The following WDR25 variants were observed in gnomAD, a reference collection of about 807,000 sequenced individuals.
The protein encoded by WDR25 is WD repeat domain 25.
A neutral mutation model predicts 47.7 loss-of-function variants in WDR25; 35 were observed. That is an observed-to-expected ratio of 0.73 (90% CI 0.56 to 0.97). WDR25 has a LOEUF of 0.97. WDR25 is among the 50% of genes least tolerant of loss of function. WDR25 has a pLI of 0.00. For synonymous variants in WDR25, 248 were observed against 278.9 expected, an observed-to-expected ratio of 0.89 and a Z score of 1.10; for missense variants, 634 against 704.7, an observed-to-expected ratio of 0.90 and a Z score of 1.14.
chr14:100,451,569 G>A (rs564394492), intron 2 of WDR25, among the ~76,000 whole-genome samples: 1 of 152,302 alleles, frequency 6.6e-6, no homozygotes, highest in South Asian at 2.1e-4. Context: ...TGTGTATTGA[G>A]GCCAGAGGCT....
chr14:100,529,971 C>T lies in WDR25; in HGVS notation c.1565C>T (p.Thr522Ile). ...CACACACAGGCCTGTGTCGGCACCA[C>T]CTATCACCCCGTGCTGCCCTCCGTC... ...QGHTQACVGT[T>I]YHPVLPSVLA... Residue 522 changes from threonine to isoleucine, a missense_variant, in exon 7 of 7, where the codon ACC becomes ATC. Coordinates refer to ENST00000402312, the MANE Select transcript of WDR25 (RefSeq NM_001161476.3). The surrounding 1 kb of genome is among the most constrained non-coding windows in gnomAD (Gnocchi z 5.1). 6.2e-7 allele frequency: 1 copy of T among 1,613,478 alleles called. No homozygotes were observed. Among genetic ancestry groups the T allele is most frequent in the East Asian group, 2.2e-5 (1 of 44,864 alleles).
chr14:100,475,109 G>A (rs1164976831), intron 3 of WDR25, among the ~76,000 whole-genome samples: 1 of 152,218 alleles, frequency 6.6e-6, no homozygotes, highest in South Asian at 2.1e-4. Flanking sequence ...AAACCTGTTG[G>A]AATGCCTATT....
chr14:100,386,662 G>A (rs929135100), intron 2 of WDR25, among the ~76,000 whole-genome samples: 1 of 152,130 alleles, frequency 6.6e-6, no homozygotes, highest in African/African-American at 2.4e-5. Flanking sequence ...GGGAGGCCGA[G>A]GCAGGCGGAT....
At chr14:100,412,405 G>A (rs1317575390) in intron 2 of WDR25, among the ~76,000 whole-genome samples, 1 of 152,052 alleles carries the variant, frequency 6.6e-6, no homozygotes, top group African/African-American at 2.4e-5. Flanking sequence ...ACCTAGAAAC[G>A]TGTCTTTAGG....
At chr14:100,458,671 A>G (rs922376537) in intron 2 of WDR25, among the ~76,000 whole-genome samples, 1 of 152,190 alleles carries the variant, frequency 6.6e-6, no homozygotes, top group Non-Finnish European at 1.5e-5. Flanking sequence ...GTCTCAGTGT[A>G]TCTAAAAAGA....
chr14:100,467,870 T>C lies in WDR25; in HGVS notation c.823-151T>C, dbSNP rs1345087785. 16 of 1,099,334 alleles carry C rather than the reference T, an allele frequency of 1.5e-5. 1 individual carries two copies. In the Admixed American group the frequency reaches 4.4e-4, roughly 30 times the overall value. 68.1% of individuals were successfully genotyped at this position (1,099,334 alleles called of 1,614,324 possible). On this transcript the variant is annotated intron_variant, in intron 2 of 6. Transcript: ENST00000402312. ...ATCCCAAGCCTTTACATTTCTGCAA[T>C]GAAAAGTTTAACATCTAGATATAGA...
chr14:100,459,930 A>ATTGT (rs1899340673), intron 2 of WDR25, among the ~76,000 whole-genome samples: 1 of 110,270 alleles, frequency 9.1e-6, no homozygotes, highest in East Asian at 2.2e-4. Context: ...ATATATATAT[A>ATTGT]TATATATATA....
In WDR25 at chr14:100,392,659, C is replaced by T. The variant is rs560848221; in HGVS notation, c.822+10913C>T. Among the ~76,000 whole-genome samples, 27 of 152,238 alleles carry T rather than the reference C, an allele frequency of 1.8e-4. No homozygotes were observed. Among genetic ancestry groups the T allele is most frequent in the East Asian group, 5.8e-4 (3 of 5,168 alleles). On this transcript the variant is annotated intron_variant, in intron 2 of 6. Transcript: ENST00000402312. The surrounding 1 kb of genome is among the most constrained non-coding windows in gnomAD (Gnocchi z 4.2). ...TTTAACATTCTCTCCCAGCCCTGCC[C>T]GCGCCACACTGTGCCACCAGCCGCC...
At chr14:100,376,883 C>T (rs1268034617) in intron 1 of WDR25, 1 of 565,872 alleles carries the variant, frequency 1.8e-6, no homozygotes, top group Non-Finnish European at 2.4e-6. Flanking sequence ...CCCCTCCCAC[C>T]CGTTTGCATT....
At chr14:100,467,992 C>A in intron 2 of WDR25, 29 bp from the exon 3 acceptor site, 1 of 1,611,306 alleles carries the variant, frequency 6.2e-7, no homozygotes, top group Non-Finnish European at 8.5e-7. Flanking sequence ...CTTGTTGTGA[C>A]ACCTGGTGCT....
chr14:100,417,288 G>C (rs1897895952), intron 2 of WDR25, among the ~76,000 whole-genome samples: 1 of 152,238 alleles, frequency 6.6e-6, no homozygotes, highest in Admixed American at 6.5e-5. Flanking sequence ...GCCGTACCTG[G>C]AGGAGCTGCT....
chr14:100,412,998 T>C (rs1186070422), intron 2 of WDR25, among the ~76,000 whole-genome samples: 2 of 151,992 alleles, frequency 1.3e-5, no homozygotes, highest in Non-Finnish European at 2.9e-5. Context: ...CCTGGCTAAT[T>C]TTTGTATTTT....
chr14:100,495,308 G>A (rs562930634), intron 4 of WDR25, among the ~76,000 whole-genome samples: 175 of 152,324 alleles, frequency 1.1e-3, no homozygotes, highest in Admixed American at 3.5e-3. Flanking sequence ...AGTGAGCTGA[G>A]ACCGTGTCAT....
rs375145928 is a variant in WDR25, at chr14:100,377,897, C to G, written c.-16+1402C>G. On this transcript the variant is annotated intron_variant, in intron 1 of 6. Coordinates refer to ENST00000402312, the MANE Select transcript of WDR25 (RefSeq NM_001161476.3). ...AGGACTTGGAGGGAATCTGTTGATG[C>G]TGACCTGACTCCACCTGTTGGGGGA... Among the ~76,000 whole-genome samples, 12 of 152,248 alleles carry G rather than the reference C, an allele frequency of 7.9e-5. 1 individual carries two copies. Among genetic ancestry groups the G allele is most frequent in the African/African-American group, 2.9e-4 (12 of 41,548 alleles).
intron 3 of WDR25, among the ~76,000 whole-genome samples, chr14:100,481,618 A>C (rs549571756): frequency 1.3e-5 from 2 of 152,282 alleles, no homozygotes; most frequent in African/African-American, 4.8e-5. Context: ...TTAAATGGCC[A>C]TATGGAGTCA....
intron 2 of WDR25, among the ~76,000 whole-genome samples, chr14:100,432,720 C>G (rs993214350): frequency 6.6e-6 from 1 of 152,218 alleles, no homozygotes; most frequent in Non-Finnish European, 1.5e-5. Flanking sequence ...TATATAGTCA[C>G]AGTGTAATCA....
At chr14:100,444,056 G>A (rs1168620221) in intron 2 of WDR25, among the ~76,000 whole-genome samples, 2 of 152,192 alleles carry the variant, frequency 1.3e-5, no homozygotes, top group African/African-American at 4.8e-5. Flanking sequence ...GCCTTATCCT[G>A]TCCATAGCCC....
chr14:100,408,512 G>A (rs1028494984), intron 2 of WDR25, among the ~76,000 whole-genome samples: 15 of 151,604 alleles, frequency 9.9e-5, no homozygotes, highest in South Asian at 2.1e-4. Flanking sequence ...TCCCTCCAGC[G>A]CCCCCTCTGT....
intron 3 of WDR25, chr14:100,480,989 A>G (rs1900177987): frequency 2.3e-6 from 1 of 433,648 alleles, no homozygotes; most frequent in African/African-American, 2.1e-5. Flanking sequence ...AGGGGCCACC[A>G]AGGAAGAGCC....
Sources: gnomAD v4.1 joint callset for allele counts (sites outside exome capture counted in the v4.1 genomes callset) on GRCh38, gnomAD v4.1.1 for gene constraint, Gnocchi (gnomAD v3.1) non-coding constraint, MANE v1.5 for transcripts, NCBI Gene and HGNC (gene_info 2026-07-23, HGNC 2026-07-21) for gene names.